Variants in TNNI3K observed in about 807,000 individuals in gnomAD.
TNNI3K encodes the protein serine/threonine-protein kinase TNNI3K.
Under a neutral mutation model 114.5 loss-of-function variants are expected in TNNI3K, and 140 were observed. The observed-to-expected ratio is 1.22, with a 90% CI of 1.07 to 1.41. TNNI3K has a LOEUF of 1.41. Among genes scored for constraint, TNNI3K ranks in the 40% most tolerant of loss-of-function variants. The probability of loss-of-function intolerance (pLI) is 0.00; values close to 1 mark genes in which losing one functional copy is unlikely to be tolerated. For synonymous variants in TNNI3K, 347 were observed against 347.5 expected (o/e 1.00, Z 0.02); for missense variants, 1,125 against 1,007.6 (o/e 1.12, Z -1.58).
intron 11 of TNNI3K, among the ~76,000 whole-genome samples, chr1:74,362,343 T>C (rs1662012218): frequency 6.6e-6 from 1 of 152,172 alleles, no homozygotes; most frequent in African/African-American, 2.4e-5. Context: ...GACCTGAGCA[T>C]GTGAGACATG....
intron 21 of TNNI3K, among the ~76,000 whole-genome samples, chr1:74,482,215 A>T (rs370228602): frequency 1.3e-5 from 2 of 152,132 alleles, no homozygotes; most frequent in Non-Finnish European, 2.9e-5. Context: ...ATTTCTGTCA[A>T]TTACTTCTTG....
At chr1:74,375,896 C>T (rs1662880102) in intron 17 of TNNI3K, 1 of 244,518 alleles carries the variant, frequency 4.1e-6, no homozygotes, top group South Asian at 5.0e-5. Context: ...GCAAGGAGAA[C>T]CCACTGAAGG....
Position 74,367,358 on chromosome 1 carries a change from T to C in TNNI3K, c.1264+16T>C. 1.2e-6 allele frequency: 2 copies of C among 1,610,624 alleles called. No individual in the cohort carries two copies. The highest frequency in any genetic ancestry group is 1.7e-6 in the Non-Finnish European group (2 of 1,177,848). On this transcript the variant is annotated intron_variant, in intron 12 of 24. Transcript: ENST00000326637. Reference sequence around the variant, plus strand: ...CCTGGAGGAGGTACCCCTTTTCTTATTCAGTTTTCATTATTGTATAATATA... The same window carrying C: ...CCTGGAGGAGGTACCCCTTTTCTTACTCAGTTTTCATTATTGTATAATATA...
chr1:74,391,856 C>T (rs1349428187), intron 17 of TNNI3K, among the ~76,000 whole-genome samples: 1 of 149,804 alleles, frequency 6.7e-6, no homozygotes, highest in Non-Finnish European at 1.5e-5. Context: ...GAGCATTTTT[C>T]AATTAGTCAG....
intron 24 of TNNI3K, among the ~76,000 whole-genome samples, chr1:74,542,982 G>T (rs1163132233): frequency 1.3e-5 from 2 of 151,586 alleles, no homozygotes; most frequent in East Asian, 3.9e-4. Flanking sequence ...TAAAATTTGG[G>T]CTACCAGGGA....
At chr1:74,260,058 T>A (rs543936739) in intron 4 of TNNI3K, among the ~76,000 whole-genome samples, 166 of 152,368 alleles carry the variant, frequency 1.1e-3, no homozygotes, top group Non-Finnish European at 1.6e-3. Flanking sequence ...AAATATTTTT[T>A]AATTTCTTTT....
chr1:74,535,325 G>A (rs1480742116), intron 23 of TNNI3K, among the ~76,000 whole-genome samples: 11 of 152,004 alleles, frequency 7.2e-5, no homozygotes, highest in African/African-American at 2.7e-4. Context: ...CAAAAAATTA[G>A]CCAGGCATGG....
At chr1:74,417,682 TTGTGTGTGTGTGTGTGTGTGTGTGTGTG>T (rs10529693) in intron 17 of TNNI3K, among the ~76,000 whole-genome samples, 8 of 137,020 alleles carry the variant, frequency 5.8e-5, no homozygotes, top group Non-Finnish European at 9.6e-5. Flanking sequence ...GTGTACGTGT[TTGTGTGTGTGTGTGTGTGTGTGTGTGTG>T]TGTGTGTGTG....
At chr1:74,396,599 G>C (rs1002678375) in intron 17 of TNNI3K, among the ~76,000 whole-genome samples, 1 of 152,198 alleles carries the variant, frequency 6.6e-6, no homozygotes, top group African/African-American at 2.4e-5. Context: ...GGGAGAGACA[G>C]CATCCGCCCG....
Position 74,413,936 on chromosome 1 carries a change from A to T in TNNI3K, c.1773-22144A>T, listed in dbSNP as rs114720098. Among the ~76,000 whole-genome samples the T allele has an allele frequency of 2.6e-3, 400 of 152,260 alleles. 3 individuals are homozygous for T. Among genetic ancestry groups the T allele is most frequent in the African/African-American group, 9.4e-3 (390 of 41,586 alleles). On this transcript the variant is annotated intron_variant, in intron 17 of 24. Coordinates refer to ENST00000326637, the MANE Select transcript of TNNI3K (RefSeq NM_015978.3). Reference sequence around the variant, plus strand: ...TTGCATTTAGAATGCTTTAAGATACATATCATGCATTGGATTTCACAACGA... The same window carrying T: ...TTGCATTTAGAATGCTTTAAGATACTTATCATGCATTGGATTTCACAACGA...
At chr1:74,448,423 C>T (rs1666810840) in intron 20 of TNNI3K, among the ~76,000 whole-genome samples, 2 of 147,734 alleles carry the variant, frequency 1.4e-5, no homozygotes, top group South Asian at 4.2e-4. Flanking sequence ...GGACAATTGA[C>T]TTCCTCTTTT....
intron 21 of TNNI3K, chr1:74,480,583 A>G: frequency 1.4e-6 from 1 of 717,266 alleles, no homozygotes; most frequent in Admixed American, 2.0e-5. Flanking sequence ...GATACCTGAG[A>G]CTGTGGAGAT....
intron 11 of TNNI3K, among the ~76,000 whole-genome samples, chr1:74,355,156 G>A (rs1305664184): frequency 1.3e-5 from 2 of 152,238 alleles, no homozygotes; most frequent in African/African-American, 2.4e-5. Context: ...TTTAACTTTT[G>A]ATGACTGCAT....
intron 4 of TNNI3K, among the ~76,000 whole-genome samples, chr1:74,268,191 A>G (rs1656121139): frequency 6.5e-4 from 1 of 1,538 alleles, no homozygotes; most frequent in African/African-American, 1.0e-3. Context: ...AATCTATCAT[A>G]TTTTCTATTT....
intron 5 of TNNI3K, among the ~76,000 whole-genome samples, chr1:74,309,885 C>T (rs1234575835): frequency 2.6e-5 from 4 of 152,054 alleles, no homozygotes; most frequent in African/African-American, 7.2e-5. Context: ...AACATTTTCC[C>T]CAAGAACTAG....
chr1:74,532,052 G>A (rs1646593350), intron 23 of TNNI3K, among the ~76,000 whole-genome samples: 1 of 152,178 alleles, frequency 6.6e-6, no homozygotes, highest in South Asian at 2.1e-4. Context: ...TAATCACACT[G>A]ATAACCTAAT....
chr1:74,432,966 T>C (rs954254254), intron 17 of TNNI3K, among the ~76,000 whole-genome samples: 1 of 152,038 alleles, frequency 6.6e-6, no homozygotes, highest in South Asian at 2.1e-4. Context: ...ATAGGTATGC[T>C]AATACCATCT....
chr1:74,292,069 T>C (rs1657711563), intron 5 of TNNI3K, among the ~76,000 whole-genome samples: 1 of 151,532 alleles, frequency 6.6e-6, no homozygotes, highest in South Asian at 2.1e-4. Context: ...ATTTTAATTT[T>C]CTACCAATAG....
chr1:74,253,697 G>T (rs896998844), intron 4 of TNNI3K, among the ~76,000 whole-genome samples: 1 of 151,564 alleles, frequency 6.6e-6, no homozygotes, highest in Non-Finnish European at 1.5e-5. Flanking sequence ...CGCAAGCCCC[G>T]CCGTGCGGCC....
Sources: allele counts gnomAD v4.1 joint callset (sites outside exome capture counted in the v4.1 genomes callset), GRCh38; gene constraint gnomAD v4.1.1; transcripts MANE v1.5; gene names NCBI Gene and HGNC (gene_info 2026-07-23, HGNC 2026-07-21).